The following CTCF variants were observed in gnomAD, a reference collection of about 807,000 sequenced individuals.
CTCF encodes the protein CCCTC-binding factor.
A neutral mutation model predicts 72.3 loss-of-function variants in CTCF; 7 were observed. The observed-to-expected ratio is 0.10, with a 90% CI of 0.06 to 0.18. The LOEUF (loss-of-function observed/expected upper bound fraction) is 0.18. CTCF is among the 10% of genes least tolerant of loss of function. The pLI, the probability that CTCF is intolerant of heterozygous loss-of-function variation, is 1.00. For missense variants in CTCF, 516 were observed against 949.1 expected, an observed-to-expected ratio of 0.54 and a Z score of 6.00; for synonymous variants, 374 against 315.8, an observed-to-expected ratio of 1.18 and a Z score of -1.95.
At chr16:67,628,849 A>G (rs571850431) in intron 9 of CTCF, among the ~76,000 whole-genome samples, 1 of 152,308 alleles carries the variant, frequency 6.6e-6, no homozygotes, top group African/African-American at 2.4e-5. Flanking sequence ...TCACGAGGTC[A>G]GGAGATCGAG....
intron 2 of CTCF, among the ~76,000 whole-genome samples, chr16:67,584,287 G>T (rs548174832): frequency 2.0e-5 from 3 of 148,908 alleles, no homozygotes; most frequent in African/African-American, 5.0e-5. Context: ...GTGCCATTGC[G>T]CTCCAGCCTG....
chr16:67,583,218 C>T (rs2051614546), intron 2 of CTCF, among the ~76,000 whole-genome samples: 1 of 151,712 alleles, frequency 6.6e-6, no homozygotes. Context: ...AACTCCTGAC[C>T]TCAAGTGATC....
intron 2 of CTCF, among the ~76,000 whole-genome samples, chr16:67,598,713 G>A (rs952400712): frequency 6.6e-6 from 1 of 152,252 alleles, no homozygotes; most frequent in Non-Finnish European, 1.5e-5. Context: ...AGTGAAACTC[G>A]ATAAAAGCAA....
chr16:67,598,339 T>C (rs981647943), intron 2 of CTCF, among the ~76,000 whole-genome samples: 1 of 152,214 alleles, frequency 6.6e-6, no homozygotes, highest in Non-Finnish European at 1.5e-5. Flanking sequence ...TTATTCTTTT[T>C]CTTGTATCTT....
chr16:67,584,106 T>C (rs1180478189), intron 2 of CTCF, among the ~76,000 whole-genome samples: 3 of 151,790 alleles, frequency 2.0e-5, no homozygotes, highest in Non-Finnish European at 4.4e-5. Context: ...GCGCAGTGGC[T>C]CATGCCTGTA....
intron 2 of CTCF, among the ~76,000 whole-genome samples, chr16:67,604,193 T>C (rs2051938477): frequency 6.6e-6 from 1 of 151,340 alleles, no homozygotes; most frequent in African/African-American, 2.4e-5. Flanking sequence ...ACTGTAGTCC[T>C]AGCTACTTGG....
chr16:67,631,158 TTTTTTTG>T, intron 10 of CTCF, among the ~76,000 whole-genome samples: 1 of 140,872 alleles, frequency 7.1e-6, no homozygotes, highest in South Asian at 2.2e-4. Context: ...TTGTTTGTTT[TTTTTTTG>T]TTTTTTGTTT....
chr16:67,631,540 ATCC>A (rs2052365238), intron 10 of CTCF, among the ~76,000 whole-genome samples: 1 of 151,744 alleles, frequency 6.6e-6, no homozygotes, highest in Admixed American at 6.6e-5. Context: ...GGCTCAAGTG[ATCC>A]TCCTGCCTCG....
At chr16:67,570,739 CCTT>C (rs2051406398) in intron 1 of CTCF, 1 of 143,640 alleles carries the variant, frequency 7.0e-6, no homozygotes, top group Non-Finnish European at 1.5e-5. Context: ...CCGCGCCTGG[CCTT>C]TTTTTTTTTT....
At chr16:67,611,700 A>C in intron 3 of CTCF, 87 bp downstream of exon 3, 4 of 1,315,216 alleles carry the variant, frequency 3.0e-6, no homozygotes, top group Non-Finnish European at 4.2e-6. Context: ...TTTTATATTA[A>C]CCGTATTTGT....
At chr16:67,569,932 T>A (rs1396618932) in intron 1 of CTCF, among the ~76,000 whole-genome samples, 4 of 152,152 alleles carry the variant, frequency 2.6e-5, no homozygotes, top group African/African-American at 4.8e-5. Context: ...GTGATCCACC[T>A]GCCTTGGCTT....
At chr16:67,612,876 T>G (rs189179691) in intron 4 of CTCF, among the ~76,000 whole-genome samples, 95 of 152,254 alleles carry the variant, frequency 6.2e-4, no homozygotes, top group Admixed American at 1.0e-3. Context: ...AGGCAGACAC[T>G]GCAATGAGCT....
chr16:67,604,141 A>AG (rs1555533293), intron 2 of CTCF, among the ~76,000 whole-genome samples: 24 of 151,246 alleles, frequency 1.6e-4, no homozygotes, highest in African/African-American at 4.8e-4. Flanking sequence ...AAAAAAAAAA[A>AG]AAAAGAAAAG....
intron 10 of CTCF, among the ~76,000 whole-genome samples, chr16:67,636,332 G>C (rs1225366866): frequency 6.7e-6 from 1 of 149,832 alleles, no homozygotes; most frequent in African/African-American, 2.5e-5. Context: ...AGATCGTGCC[G>C]CTGCATTCCA....
chr16:67,637,822 C>T lies in CTCF; in HGVS notation c.2134C>T (p.Pro712Ser), dbSNP rs754444529. The T allele has an allele frequency of 1.6e-5, 26 of 1,612,560 alleles. No homozygotes were observed. The highest frequency in any genetic ancestry group is 2.2e-5 in the Non-Finnish European group (26 of 1,180,028). ...GGCCCAGCCAGCTGCCACAGATGCCCCCAACGGAGACCTCACGCCCGAGAT... is the reference window on the plus strand; with the variant it reads ...GGCCCAGCCAGCTGCCACAGATGCCTCCAACGGAGACCTCACGCCCGAGAT... ...EEAQPAATDA[P>S]NGDLTPEMIL... The change falls in exon 12 of 12, where the codon CCC becomes TCC. Residue 712 changes from proline to serine, a missense_variant. Around this residue, in one of 7 missense-constraint regions of CTCF, gnomAD observed 157 missense variants for 172.9 expected, o/e 0.91. Transcript: ENST00000264010.
At chr16:67,577,423 A>G (rs1308264394) in intron 2 of CTCF, among the ~76,000 whole-genome samples, 3 of 149,298 alleles carry the variant, frequency 2.0e-5, no homozygotes, top group Non-Finnish European at 4.4e-5. Context: ...CTTGGCAGTA[A>G]TGTCTAGACT....
chr16:67,591,919 C>G (rs960062520), intron 2 of CTCF, among the ~76,000 whole-genome samples: 32 of 151,900 alleles, frequency 2.1e-4, no homozygotes, highest in African/African-American at 7.7e-4. Flanking sequence ...CACTATGTTG[C>G]TCAGGCTGGT....
At chr16:67,587,940 C>G (rs2051690059) in intron 2 of CTCF, among the ~76,000 whole-genome samples, 1 of 152,118 alleles carries the variant, frequency 6.6e-6, no homozygotes, top group African/African-American at 2.4e-5. Context: ...TCACTTCAGC[C>G]TCTGCCTCCC....
intron 10 of CTCF, among the ~76,000 whole-genome samples, chr16:67,630,029 G>C (rs1490558532): frequency 3.3e-5 from 5 of 151,696 alleles, no homozygotes; most frequent in Admixed American, 3.3e-4. Flanking sequence ...GCCCTCCTCA[G>C]CCTCCCAAAG....
Sources: gnomAD v4.1 joint callset for allele counts (sites outside exome capture counted in the v4.1 genomes callset) on GRCh38, gnomAD v4.1.1 for gene constraint, gnomAD v4.1.1 regional missense constraint, MANE v1.5 for transcripts, NCBI Gene and HGNC (gene_info 2026-07-23, HGNC 2026-07-21) for gene names.